Variants in EPB41L3 observed in about 807,000 individuals in gnomAD.
EPB41L3 encodes band 4.1-like protein 3.
A neutral mutation model predicts 127.1 loss-of-function variants in EPB41L3; 57 were observed. The observed-to-expected ratio is 0.45, with a 90% CI of 0.36 to 0.56. EPB41L3 has a LOEUF of 0.56. EPB41L3 is among the 20% of genes least tolerant of loss of function. EPB41L3 has a pLI of 0.00. For synonymous variants in EPB41L3, 572 were observed against 549.5 expected (o/e 1.04, Z -0.57); for missense variants, 1,273 against 1,372.2 (o/e 0.93, Z 1.14).
intron 1 of EPB41L3, among the ~76,000 whole-genome samples, chr18:5,534,166 A>C (rs1316069878): frequency 6.6e-6 from 1 of 152,230 alleles, no homozygotes. Flanking sequence ...CCGTCTCAAA[A>C]AAAAGAAAAA....
At chr18:5,495,720 G>A (rs980558598) in intron 1 of EPB41L3, among the ~76,000 whole-genome samples, 14 of 152,200 alleles carry the variant, frequency 9.2e-5, no homozygotes, top group African/African-American at 2.2e-4. Context: ...AAATAAGAGC[G>A]CAGGGAGGCA....
At chr18:5,412,374 T>A (rs2076301713) in intron 13 of EPB41L3, among the ~76,000 whole-genome samples, 1 of 151,972 alleles carries the variant, frequency 6.6e-6, no homozygotes, top group South Asian at 2.1e-4. Context: ...TATAGGTGCA[T>A]GCCACCATGC....
intron 14 of EPB41L3, 129 bp from the exon 15 acceptor site, chr18:5,407,865 T>C: frequency 1.3e-6 from 1 of 768,998 alleles, no homozygotes; most frequent in Non-Finnish European, 2.3e-6. Context: ...ATGCCACTTC[T>C]TTCTTATACA....
intron 2 of EPB41L3, among the ~76,000 whole-genome samples, chr18:5,486,553 A>G (rs971700251): frequency 2.6e-5 from 4 of 152,160 alleles, no homozygotes; most frequent in African/African-American, 4.8e-5. Context: ...AGCCTACAGG[A>G]TAGTAGAAAA....
intron 3 of EPB41L3, among the ~76,000 whole-genome samples, chr18:5,595,059 C>T (rs2094523608): frequency 6.6e-6 from 1 of 152,168 alleles, no homozygotes. Flanking sequence ...AAAAATGACC[C>T]AGCTTTTGGC....
At chr18:5,441,522 G>A (rs936375121) in intron 5 of EPB41L3, among the ~76,000 whole-genome samples, 1 of 150,330 alleles carries the variant, frequency 6.7e-6, no homozygotes. Context: ...CTGGAGCGCA[G>A]TGGCGCGATC....
chr18:5,488,645 G>C (rs1396557633), intron 2 of EPB41L3, among the ~76,000 whole-genome samples: 1 of 151,840 alleles, frequency 6.6e-6, no homozygotes, highest in Non-Finnish European at 1.5e-5. Context: ...GTGATGCCTG[G>C]GGAAATGCAA....
intron 2 of EPB41L3, among the ~76,000 whole-genome samples, chr18:5,482,889 T>C (rs1164912370): frequency 2.0e-5 from 3 of 152,178 alleles, no homozygotes; most frequent in Non-Finnish European, 4.4e-5. Flanking sequence ...AAAAAACCAC[T>C]AATGTGCAAA....
intron 1 of EPB41L3, among the ~76,000 whole-genome samples, chr18:5,541,069 AGC>A (rs2093709650): frequency 1.5e-5 from 2 of 133,672 alleles, no homozygotes; most frequent in Admixed American, 8.2e-5. Context: ...TGGGCGACAG[AGC>A]GAGACTCCGT....
intron 3 of EPB41L3, among the ~76,000 whole-genome samples, chr18:5,554,070 G>A (rs1389323903): frequency 2.6e-5 from 4 of 152,100 alleles, no homozygotes; most frequent in East Asian, 1.9e-4. Flanking sequence ...CTTTGCTCCC[G>A]TCGCCTCTCA....
chr18:5,594,118 G>A (rs2094514101), intron 3 of EPB41L3, among the ~76,000 whole-genome samples: 1 of 152,196 alleles, frequency 6.6e-6, no homozygotes, highest in African/African-American at 2.4e-5. Context: ...ATTGACTGGG[G>A]AAGTGATAAG....
At chr18:5,590,070 G>A (rs751932552) in intron 3 of EPB41L3, among the ~76,000 whole-genome samples, 8 of 152,148 alleles carry the variant, frequency 5.3e-5, no homozygotes, top group Non-Finnish European at 1.0e-4. Context: ...TCCACTGAGG[G>A]CGAAGGAGGA....
intron 12 of EPB41L3, among the ~76,000 whole-genome samples, chr18:5,416,845 T>C (rs142345582): frequency 1.5e-3 from 234 of 152,110 alleles, no homozygotes; most frequent in African/African-American, 5.2e-3. Flanking sequence ...CAATCCAGAT[T>C]TTGATTAAAA....
intron 1 of EPB41L3, among the ~76,000 whole-genome samples, chr18:5,501,274 T>C (rs1047188537): frequency 9.4e-6 from 1 of 106,126 alleles, no homozygotes; most frequent in African/African-American, 3.0e-5. Flanking sequence ...TCATTAAGTA[T>C]TTAAATGAAT....
At chr18:5,538,925 G>T (rs1470942155) in intron 1 of EPB41L3, among the ~76,000 whole-genome samples, 2 of 151,330 alleles carry the variant, frequency 1.3e-5, no homozygotes, top group Non-Finnish European at 2.9e-5. Context: ...TAAAAATAAT[G>T]ACTACATACA....
At chr18:5,478,581 G>GT in intron 2 of EPB41L3, 143 bp from the exon 3 acceptor site, 10 of 692,260 alleles carry the variant, frequency 1.4e-5, no homozygotes, top group Non-Finnish European at 2.1e-5. Context: ...TAAATATACA[G>GT]ATATTTATAA....
Position 5,396,293 on chromosome 18 carries a change from C to T in EPB41L3, c.2881G>A (p.Val961Ile), listed in dbSNP as rs1598410721. The T allele has an allele frequency of 6.2e-7, 1 of 1,614,228 alleles. No individual in the cohort carries two copies. Among genetic ancestry groups the T allele is most frequent in the Non-Finnish European group, 8.5e-7 (1 of 1,180,028 alleles). The change falls in exon 19 of 23, where the codon GTT becomes ATT. Residue 961 changes from valine (V) to isoleucine (I), a missense_variant. Val to Ile is a conservative substitution (Grantham distance 29). Around this residue, in one of 3 missense-constraint regions of EPB41L3, gnomAD observed 765 missense variants for 782.9 expected, o/e 0.98. Coordinates refer to ENST00000341928, the MANE Select transcript of EPB41L3 (RefSeq NM_012307.5). The stretch of plus-strand genomic sequence containing the variant: ...TCTAGCTTTACTCCTCCCGGTGAAA[C>T]ACTGCCAAAACTGATGGTTTCCGTC... ...VKTETISFGSVSPGGVKLEIS... is the reference protein window; with the variant it reads ...VKTETISFGSISPGGVKLEIS...
intron 16 of EPB41L3, chr18:5,400,066 C>T (rs569116450): frequency 1.3e-5 from 2 of 156,410 alleles, no homozygotes; most frequent in South Asian, 2.0e-4. Flanking sequence ...CGGCCTCGAA[C>T]CCCTGGGCTC....
At chr18:5,455,085 T>C (rs1252776698) in intron 3 of EPB41L3, among the ~76,000 whole-genome samples, 1 of 152,194 alleles carries the variant, frequency 6.6e-6, no homozygotes, top group Non-Finnish European at 1.5e-5. Context: ...AGGATTGTTG[T>C]ATTAAGATAA....
Sources: gnomAD v4.1 joint callset for allele counts (sites outside exome capture counted in the v4.1 genomes callset) on GRCh38, gnomAD v4.1.1 for gene constraint, gnomAD v4.1.1 regional missense constraint, MANE v1.5 for transcripts, NCBI Gene and HGNC (gene_info 2026-07-23, HGNC 2026-07-21) for gene names.